Variants in RARRES1 observed in about 807,000 individuals in gnomAD.
RARRES1 encodes the protein retinoic acid receptor responder protein 1.
In RARRES1, 34 loss-of-function variants were observed where a neutral mutation model predicts 30.6. The observed-to-expected ratio is 1.11, with a 90% CI of 0.84 to 1.48. RARRES1 has a LOEUF of 1.48. Among genes scored for constraint, RARRES1 ranks in the 40% most tolerant of loss-of-function variants. The probability of loss-of-function intolerance (pLI) is 0.00; values close to 1 mark genes in which losing one functional copy is unlikely to be tolerated. For synonymous variants in RARRES1, 153 were observed against 155.5 expected, an observed-to-expected ratio of 0.98 and a Z score of 0.12; for missense variants, 373 against 386.5, an observed-to-expected ratio of 0.97 and a Z score of 0.29.
chr3:158,700,443 A>AG (rs1726688272), intron 4 of RARRES1, among the ~76,000 whole-genome samples: 1 of 104,548 alleles, frequency 9.6e-6, no homozygotes. Context: ...TTTTAAATAC[A>AG]AAATGTGAGT....
At chr3:158,719,988 A>G (rs1727452039) in intron 1 of RARRES1, among the ~76,000 whole-genome samples, 1 of 152,176 alleles carries the variant, frequency 6.6e-6, no homozygotes, top group South Asian at 2.1e-4. Flanking sequence ...CCGACCCAAC[A>G]TAGTACCCAT....
chr3:158,713,261 C>G (rs1197800586), intron 2 of RARRES1, among the ~76,000 whole-genome samples: 1 of 152,138 alleles, frequency 6.6e-6, no homozygotes, highest in Non-Finnish European at 1.5e-5. Context: ...TCTCTTTACT[C>G]TCTTCTTGAA....
At position 158,710,847 on chromosome 3, in the gene RARRES1, A is replaced by G. The variant is rs147457730; in HGVS notation, c.426T>C (p.Asn142=). ...FKNQKPRPTI[N]VTCTRLIEKK... is the part of the protein sequence containing the mutation. ...TCTCGATGAGCCGTGTACAAGTTACATTGATGGTTGGTCTGGGTTTCTGAT... is the reference window on the plus strand; with the variant it reads ...TCTCGATGAGCCGTGTACAAGTTACGTTGATGGTTGGTCTGGGTTTCTGAT... The change falls in exon 3 of 6, where the codon AAT becomes AAC. Residue 142 remains asparagine, a synonymous_variant. Transcript: ENST00000237696. 2.5e-6 allele frequency: 4 copies of G among 1,613,538 alleles called. No homozygotes were observed. The highest frequency in any genetic ancestry group is 2.7e-5 in the African/African-American group (2 of 74,880).
rs1184597867 is a variant in RARRES1 at position 158,732,194 on chromosome 3, G to A, written c.222C>T (p.Ser74=). ...GCACTCGTAGCGCGCTGGGCGAGCC[G>A]GACCGGAAGTTGAAGAAGTGAAGCG... The part of the protein sequence containing the change: ...RAALHFFNFR[S]GSPSALRVLA... Residue 74 remains serine (S), a synonymous_variant, in exon 1 of 6, where the codon TCC becomes TCT. Transcript: ENST00000237696. 2 of 1,422,332 alleles carry A rather than the reference G, an allele frequency of 1.4e-6. No homozygotes were observed. Among genetic ancestry groups the A allele is most frequent in the Non-Finnish European group, 1.8e-6 (2 of 1,094,398 alleles). The allele number at this position is 1,422,332 out of a possible 1,614,324, so 88.1% of individuals were successfully genotyped here. A position where few individuals can be genotyped will look rare whatever the true frequency, so the allele number is the denominator to read the frequency against.
At chr3:158,701,394 G>A (rs1357159280) in intron 4 of RARRES1, among the ~76,000 whole-genome samples, 1 of 151,058 alleles carries the variant, frequency 6.6e-6, no homozygotes, top group African/African-American at 2.4e-5. Flanking sequence ...CTCAGGCCTT[G>A]TTCATTTGGG....
chr3:158,698,255 T>C (rs190727704), intron 4 of RARRES1: 63 of 380,132 alleles, frequency 1.7e-4, no homozygotes, highest in East Asian at 9.9e-4. Flanking sequence ...CTTAAGGATC[T>C]AGATACTGTA....
chr3:158,721,795 A>G (rs555396899), intron 1 of RARRES1, among the ~76,000 whole-genome samples: 1 of 152,266 alleles, frequency 6.6e-6, no homozygotes, highest in South Asian at 2.1e-4. Flanking sequence ...CTATTCTTTG[A>G]GAAGGAACAC....
At position 158,697,693 on chromosome 3, in the gene RARRES1, C is replaced by T; in HGVS notation, c.870G>A (p.Glu290=). The change falls in exon 6 of 6, where the codon GAG becomes GAA. Residue 290 remains glutamate, a synonymous_variant. Transcript: ENST00000237696. The part of the protein sequence containing the change: ...TEEGSAVVPT[E]LSNF ...TTTTTTCTTTTTAGAAATTACTAAG[C>T]TCTGTTGGTACTACAGCTGATCCTT... 6.2e-7 allele frequency: 1 copy of T among 1,612,288 alleles called. No individual in the cohort carries two copies. Among genetic ancestry groups the T allele is most frequent in the Non-Finnish European group, 8.5e-7 (1 of 1,178,932 alleles).
At chr3:158,698,628 A>G (rs891247435) in intron 4 of RARRES1, among the ~76,000 whole-genome samples, 1 of 151,152 alleles carries the variant, frequency 6.6e-6, no homozygotes, top group Admixed American at 6.6e-5. Flanking sequence ...TCGTTTCTGT[A>G]CATTTTACTA....
intron 4 of RARRES1, among the ~76,000 whole-genome samples, chr3:158,699,325 C>T (rs1394811480): frequency 6.6e-6 from 1 of 152,072 alleles, no homozygotes; most frequent in African/African-American, 2.4e-5. Flanking sequence ...TTTCTTCGTA[C>T]CAGACCTCAC....
intron 1 of RARRES1, among the ~76,000 whole-genome samples, chr3:158,715,115 G>A (rs926526546): frequency 6.6e-6 from 1 of 152,198 alleles, no homozygotes; most frequent in Non-Finnish European, 1.5e-5. Flanking sequence ...AACGAGTTCT[G>A]TTGTAAGCTG....
intron 1 of RARRES1, among the ~76,000 whole-genome samples, chr3:158,725,209 T>C (rs1212178359): frequency 3.3e-5 from 5 of 152,214 alleles, no homozygotes; most frequent in Admixed American, 2.0e-4. Context: ...TTGTTATGGC[T>C]ACTGTCTCCA....
intron 4 of RARRES1, among the ~76,000 whole-genome samples, chr3:158,701,719 G>C (rs1726728292): frequency 6.6e-6 from 1 of 152,132 alleles, no homozygotes; most frequent in Non-Finnish European, 1.5e-5. Context: ...GACCTTAGTG[G>C]CCACTGAATA....
intron 4 of RARRES1, among the ~76,000 whole-genome samples, chr3:158,699,439 C>CT (rs1049700557): frequency 6.6e-6 from 1 of 150,426 alleles, no homozygotes; most frequent in Non-Finnish European, 1.5e-5. Context: ...AAGCAACCCC[C>CT]CCCCCACCAA....
chr3:158,714,947 C>G (rs947457018), intron 1 of RARRES1, among the ~76,000 whole-genome samples: 5 of 152,102 alleles, frequency 3.3e-5, no homozygotes, highest in Non-Finnish European at 7.4e-5. Context: ...TTAAAAAATG[C>G]TGGGAAACTG....
intron 3 of RARRES1, among the ~76,000 whole-genome samples, chr3:158,710,438 G>C (rs1727081236): frequency 6.6e-6 from 1 of 152,058 alleles, no homozygotes; most frequent in African/African-American, 2.4e-5. Flanking sequence ...TTGATCTCCT[G>C]ACCTCGTGAT....
Position 158,710,927 on chromosome 3 carries a change from G to A in RARRES1, c.346C>T (p.Leu116Phe). The change falls in exon 3 of 6, where the codon CTT becomes TTT. Residue 116 changes from leucine (L) to phenylalanine (F), a missense_variant. Transcript: ENST00000237696. ...STERYNPESL[L>F]QEGEGRLGKC... is the part of the protein sequence containing the mutation. ...CCCAAACGTCCCTCACCTTCCTGAA[G>A]TAAAGACTGTGGAGTTAAACAGGAT... The A allele has an allele frequency of 6.2e-7, 1 of 1,613,452 alleles. No individual in the cohort carries two copies. Among genetic ancestry groups the A allele is most frequent in the Non-Finnish European group, 8.5e-7 (1 of 1,179,616 alleles).
rs1442253898 is a variant in RARRES1 at position 158,697,243 on chromosome 3, A to G, written c.*435T>C. ...CCTATAATTTACTTTCATCGAAAGT[A>G]TATTATCTTTGTTTAACATGCTAGA... On this transcript the variant is annotated 3_prime_UTR_variant, in exon 6 of 6. Transcript: ENST00000237696. 6.5e-6 allele frequency: 1 copy of G among 152,892 alleles called. No homozygotes were observed. The highest frequency in any genetic ancestry group is 1.5e-5 in the Non-Finnish European group (1 of 68,552). 9.5% of individuals were successfully genotyped at this position (152,892 alleles called of 1,614,324 possible).
At chr3:158,719,482 G>T (rs1023754881) in intron 1 of RARRES1, among the ~76,000 whole-genome samples, 2 of 152,078 alleles carry the variant, frequency 1.3e-5, no homozygotes, top group Admixed American at 1.3e-4. Flanking sequence ...ATGTTGGCCA[G>T]GCTGGTCTCA....
Sources: allele counts gnomAD v4.1 joint callset (sites outside exome capture counted in the v4.1 genomes callset), GRCh38; gene constraint gnomAD v4.1.1; transcripts MANE v1.5; gene names NCBI Gene and HGNC (gene_info 2026-07-23, HGNC 2026-07-21).